The following DNAJA2 variants were observed in gnomAD, a reference collection of about 807,000 sequenced individuals.
The protein encoded by DNAJA2 is DnaJ heat shock protein family (Hsp40) member A2.
A neutral mutation model predicts 49.3 loss-of-function variants in DNAJA2; 6 were observed. That is an observed-to-expected ratio of 0.12 (90% CI 0.07 to 0.24). DNAJA2 has a LOEUF of 0.24. Ranked by LOEUF, DNAJA2 falls within the 10% of genes least tolerant of loss-of-function variation. The pLI, the probability that DNAJA2 is intolerant of heterozygous loss-of-function variation, is 1.00. For synonymous variants in DNAJA2, 160 were observed against 172.7 expected (o/e 0.93, Z 0.58); for missense variants, 347 against 516.8 (o/e 0.67, Z 3.19).
chr16:46,966,637 G>A (rs1347666149), intron 5 of DNAJA2, among the ~76,000 whole-genome samples: 2 of 152,166 alleles, frequency 1.3e-5, no homozygotes, highest in African/African-American at 4.8e-5. Context: ...ATATCCATGT[G>A]TCTGTGGCCA....
chr16:46,966,295 T>C (rs1596657064), intron 5 of DNAJA2, among the ~76,000 whole-genome samples: 2 of 152,224 alleles, frequency 1.3e-5, no homozygotes, highest in African/African-American at 4.8e-5. Context: ...AAATATCATA[T>C]GTAACTTCTC....
chr16:46,973,067 C>G (rs1962079854), intron 1 of DNAJA2: 1 of 152,048 alleles, frequency 6.6e-6, no homozygotes, highest in Admixed American at 6.6e-5. Context: ...GACCCGGGGC[C>G]GACGGCCGCG....
Position 46,967,497 on chromosome 16 carries a change from G to A in DNAJA2, c.577+16C>T, listed in dbSNP as rs1399669156. 1 of 1,613,630 alleles carries A rather than the reference G, an allele frequency of 6.2e-7. No homozygotes were observed. Among genetic ancestry groups the A allele is most frequent in the Admixed American group, 1.7e-5 (1 of 59,912 alleles). On this transcript the variant is annotated intron_variant, in intron 5 of 8. Coordinates refer to ENST00000317089, the MANE Select transcript of DNAJA2 (RefSeq NM_005880.4). Reference sequence around the variant, plus strand: ...TCCATTCCAACATAAAAGCAGAGAAGTACTGGCACACATACCTTCTCCATT... The same window carrying A: ...TCCATTCCAACATAAAAGCAGAGAAATACTGGCACACATACCTTCTCCATT...
At chr16:46,965,832 CAAAAA>C (rs765934380) in intron 5 of DNAJA2, among the ~76,000 whole-genome samples, 1 of 55,710 alleles carries the variant, frequency 1.8e-5, no homozygotes, top group Non-Finnish European at 3.9e-5. Context: ...CTCCGTCTCA[CAAAAA>C]AAAAAAAAAA....
At position 46,971,975 on chromosome 16, in the gene DNAJA2, CA is replaced by C; in HGVS notation, c.79-21del. 2.5e-6 allele frequency: 4 copies of C among 1,570,784 alleles called. No homozygotes were observed. The highest frequency in any genetic ancestry group is 2.6e-6 in the Non-Finnish European group (3 of 1,145,186). On this transcript the variant is annotated intron_variant, in intron 1 of 8. Transcript: ENST00000317089. Reference sequence around the variant, plus strand: ...GTATGCCTTTGAAAATGGATAAAAACAAAAAAGGTTATAACTAAACACCAGT... The same window carrying C: ...GTATGCCTTTGAAAATGGATAAAAACAAAAAGGTTATAACTAAACACCAGT...
chr16:46,964,468 C>T (rs1334101866), intron 6 of DNAJA2, 143 bp downstream of exon 6: 1 of 726,450 alleles, frequency 1.4e-6, no homozygotes, highest in East Asian at 2.7e-5. Flanking sequence ...ACAAGCCCGT[C>T]TTAGGAACTC....
At position 46,962,687 on chromosome 16, in the gene DNAJA2, T is replaced by C. The variant is rs79090468; in HGVS notation, c.774+1924A>G. ...AATAGCAAATCTTGTAAATATTTCA[T>C]TCTACAAGACCCAAAGGCAGAATTC... On this transcript the variant is annotated intron_variant, in intron 6 of 8. Coordinates refer to ENST00000317089, the MANE Select transcript of DNAJA2 (RefSeq NM_005880.4). Among the ~76,000 whole-genome samples the C allele has an allele frequency of 3.9e-5, 6 of 152,228 alleles. No homozygotes were observed. In the South Asian group the frequency reaches 8.3e-4, roughly 21 times the overall value.
chr16:46,969,077 G>C (rs138171771), intron 3 of DNAJA2, among the ~76,000 whole-genome samples: 1 of 152,252 alleles, frequency 6.6e-6, no homozygotes, highest in Non-Finnish European at 1.5e-5. Flanking sequence ...GTGGCATCAT[G>C]ATGGTGCTCA....
At chr16:46,966,788 T>C (rs1961977813) in intron 5 of DNAJA2, among the ~76,000 whole-genome samples, 1 of 152,210 alleles carries the variant, frequency 6.6e-6, no homozygotes, top group Non-Finnish European at 1.5e-5. Flanking sequence ...AGTGAAATCT[T>C]CCACTTATCA....
At chr16:46,969,161 C>T (rs949518743) in intron 3 of DNAJA2, among the ~76,000 whole-genome samples, 1 of 152,156 alleles carries the variant, frequency 6.6e-6, no homozygotes, top group African/African-American at 2.4e-5. Context: ...GCTTTAAAAT[C>T]CTGGGAGTTA....
chr16:46,960,297 A>G (rs1418224328), intron 6 of DNAJA2, among the ~76,000 whole-genome samples: 1 of 152,182 alleles, frequency 6.6e-6, no homozygotes, highest in Non-Finnish European at 1.5e-5. Context: ...CTTGGGCCCC[A>G]CTTCCATTCC....
chr16:46,968,217 C>A, intron 3 of DNAJA2, 53 bp from the exon 4 acceptor site: 1 of 1,333,864 alleles, frequency 7.5e-7, no homozygotes, highest in South Asian at 1.3e-5. Flanking sequence ...TTGTCAAATA[C>A]AAGATATAAG....
At chr16:46,967,097 T>C (rs1961982880) in intron 5 of DNAJA2, among the ~76,000 whole-genome samples, 1 of 152,216 alleles carries the variant, frequency 6.6e-6, no homozygotes, top group African/African-American at 2.4e-5. Context: ...TTTTATCTTT[T>C]ATTTTTTGCA....
At chr16:46,965,902 C>T (rs927672569) in intron 5 of DNAJA2, among the ~76,000 whole-genome samples, 3 of 150,038 alleles carry the variant, frequency 2.0e-5, no homozygotes, top group Non-Finnish European at 4.4e-5. Flanking sequence ...ACTTTGGTTT[C>T]TTGATAGTGG....
intron 6 of DNAJA2, among the ~76,000 whole-genome samples, chr16:46,959,803 TC>T (rs1291279871): frequency 2.6e-5 from 4 of 152,046 alleles, no homozygotes; most frequent in African/African-American, 9.7e-5. Flanking sequence ...CCAGACATGA[TC>T]GTAACAGGGA....
chr16:46,959,221 G>T (rs1961860964), intron 7 of DNAJA2, 54 bp downstream of exon 7: 6 of 1,581,810 alleles, frequency 3.8e-6, no homozygotes, highest in Non-Finnish European at 5.1e-6. Flanking sequence ...ATTACAAATT[G>T]TAATTTTTTT....
At chr16:46,960,497 T>C (rs538827198) in intron 6 of DNAJA2, among the ~76,000 whole-genome samples, 126 of 152,322 alleles carry the variant, frequency 8.3e-4, no homozygotes, top group Non-Finnish European at 1.5e-3. Context: ...AAATGCTAAG[T>C]AGGCCAGGTG....
intron 3 of DNAJA2, among the ~76,000 whole-genome samples, chr16:46,969,780 A>T (rs529488233): frequency 6.6e-6 from 1 of 152,394 alleles, no homozygotes; most frequent in East Asian, 1.9e-4. Context: ...TATTTGTAAT[A>T]ACAGGAAAAT....
At chr16:46,964,198 A>G (rs1323405124) in intron 6 of DNAJA2, among the ~76,000 whole-genome samples, 1 of 152,166 alleles carries the variant, frequency 6.6e-6, no homozygotes, top group African/African-American at 2.4e-5. Context: ...ACATGGAGAA[A>G]GCCTGTCTCT....
Sources: allele counts gnomAD v4.1 joint callset (sites outside exome capture counted in the v4.1 genomes callset), GRCh38; gene constraint gnomAD v4.1.1; transcripts MANE v1.5; gene names NCBI Gene and HGNC (gene_info 2026-07-23, HGNC 2026-07-21).